KLHL14: variants seen among roughly 807,000 people sequenced by gnomAD.
KLHL14 encodes kelch-like protein 14.
In KLHL14, 22 loss-of-function variants were observed where a neutral mutation model predicts 64.3. That is an observed-to-expected ratio of 0.34 (90% CI 0.24 to 0.49). The LOEUF is 0.49. KLHL14 is among the 20% of genes least tolerant of loss of function. The probability of loss-of-function intolerance (pLI) is 0.99; values close to 1 mark genes in which losing one functional copy is unlikely to be tolerated. For synonymous variants in KLHL14, 322 were observed against 333.4 expected (o/e 0.97, Z 0.37); for missense variants, 661 against 789.0 (o/e 0.84, Z 1.94).
intron 2 of KLHL14, among the ~76,000 whole-genome samples, chr18:32,748,669 T>C (rs1287155072): frequency 1.2e-3 from 139 of 117,980 alleles, no homozygotes; most frequent in Middle Eastern, 4.3e-3. Flanking sequence ...TTTTTTTTTT[T>C]AGTAGAGACA....
chr18:32,772,284 C>T, intron 1 of KLHL14: 2 of 379,660 alleles, frequency 5.3e-6, no homozygotes, highest in Non-Finnish European at 5.4e-6. Context: ...CCATCCCGTT[C>T]CAGGTGGACC....
intron 3 of KLHL14, among the ~76,000 whole-genome samples, chr18:32,707,305 A>G (rs1455865187): frequency 6.6e-6 from 1 of 152,228 alleles, no homozygotes; most frequent in Non-Finnish European, 1.5e-5. Context: ...AGCTGTATCC[A>G]TGGTGAAACC....
intron 3 of KLHL14, among the ~76,000 whole-genome samples, chr18:32,711,952 C>T: frequency 6.6e-6 from 1 of 152,206 alleles, no homozygotes; most frequent in East Asian, 1.9e-4. Flanking sequence ...ATTTTACATT[C>T]ATGTTATTGT....
At chr18:32,676,954 A>T (rs60929261) in intron 8 of KLHL14, among the ~76,000 whole-genome samples, 1,620 of 152,266 alleles carry the variant, frequency 0.011, 41 homozygotes, top group African/African-American at 0.037. Flanking sequence ...ACAGGAGAGA[A>T]GGGAGACCTA....
chr18:32,753,003 A>G (rs1191764815), intron 2 of KLHL14, among the ~76,000 whole-genome samples: 3 of 136,434 alleles, frequency 2.2e-5, no homozygotes, highest in South Asian at 2.5e-4. Flanking sequence ...GTGTCTTTTA[A>G]GCTTTCTCAG....
intron 2 of KLHL14, among the ~76,000 whole-genome samples, chr18:32,751,093 C>G (rs1212657226): frequency 1.3e-5 from 2 of 152,058 alleles, no homozygotes; most frequent in Non-Finnish European, 2.9e-5. Flanking sequence ...CTGCTCAGAT[C>G]GTGGGGAGGA....
At chr18:32,729,959 A>G (rs898314368) in intron 3 of KLHL14, among the ~76,000 whole-genome samples, 1 of 152,248 alleles carries the variant, frequency 6.6e-6, no homozygotes, top group Non-Finnish European at 1.5e-5. Context: ...AAAAAGGAAG[A>G]GAGAATATGG....
intron 4 of KLHL14, among the ~76,000 whole-genome samples, chr18:32,690,161 C>T (rs1298396901): frequency 1.3e-5 from 2 of 152,076 alleles, no homozygotes; most frequent in African/African-American, 2.4e-5. Context: ...AGAAGCTAAG[C>T]TCAGTAAAAC....
rs369241553 is a variant in KLHL14, at chr18:32,680,210, A to G, written c.1547T>C (p.Met516Thr). The G allele has an allele frequency of 1.9e-5, 31 of 1,613,722 alleles. No homozygotes were observed. Among genetic ancestry groups the G allele is most frequent in the African/African-American group, 2.7e-5 (2 of 74,910 alleles). Residue 516 changes from methionine to threonine, a missense_variant, in exon 7 of 9, where the codon ATG becomes ACG. This residue lies in a region of KLHL14 where 330 missense variants were observed against 450.0 expected (regional missense o/e 0.73). Coordinates refer to ENST00000359358, the MANE Select transcript of KLHL14 (RefSeq NM_020805.3). This position sits in a 1 kb window ranked among gnomAD's most constrained non-coding sequence, Gnocchi z 4.8. The stretch of plus-strand genomic sequence containing the variant: ...TCCAATTGCATACAAGCGATCATTC[A>G]TTACAGCCAAAGTGTGAATTGCACG... ...TKRAIHTLAV[M>T]NDRLYAIGGN...
At chr18:32,757,260 C>A (rs959530241) in intron 2 of KLHL14, among the ~76,000 whole-genome samples, 3 of 152,226 alleles carry the variant, frequency 2.0e-5, no homozygotes, top group African/African-American at 4.8e-5. Context: ...AAAGTAATTT[C>A]TCTTCAAGAG....
At chr18:32,764,535 T>C (rs1159533600) in intron 2 of KLHL14, among the ~76,000 whole-genome samples, 2 of 152,110 alleles carry the variant, frequency 1.3e-5, no homozygotes, top group African/African-American at 4.8e-5. Flanking sequence ...AGTACATGGG[T>C]TGGCAAACCG....
At chr18:32,731,282 G>A (rs12968928) in intron 3 of KLHL14, among the ~76,000 whole-genome samples, 36,455 of 151,966 alleles carry the variant, frequency 0.24, 4,538 homozygotes, top group Middle Eastern at 0.32. Flanking sequence ...GGGGATATGT[G>A]TACATAATAA....
intron 3 of KLHL14, among the ~76,000 whole-genome samples, chr18:32,698,111 G>A (rs1243142660): frequency 6.6e-6 from 1 of 152,078 alleles, no homozygotes; most frequent in Non-Finnish European, 1.5e-5. Flanking sequence ...TAATTTCTTT[G>A]ACTTCTGATT....
chr18:32,728,081 G>A lies in KLHL14; in HGVS notation c.1069+13847C>T, dbSNP rs142959577. 5.3e-3 allele frequency among the ~76,000 whole-genome samples: 809 copies of A among 152,256 alleles called. 6 individuals carry two copies. Among genetic ancestry groups the A allele is most frequent in the African/African-American group, 0.018 (765 of 41,546 alleles). ...TCTTCAATCTTCAATTAATAACAAA[G>A]AGGATGGTAGAAGGTTCAACAAATA... On this transcript the variant is annotated intron_variant, in intron 3 of 8. Coordinates refer to ENST00000359358, the MANE Select transcript of KLHL14 (RefSeq NM_020805.3).
In KLHL14 at chr18:32,672,909, G is replaced by A. The variant is rs986254934; in HGVS notation, c.*1748C>T. ...AAGTCTAAGGAAAGCAAAGGTTCTT[G>A]TACAAATTGTGACTTTTGGAAGAAA... On this transcript the variant is annotated 3_prime_UTR_variant, in exon 9 of 9. Transcript: ENST00000359358. 1.3e-5 allele frequency: 2 copies of A among 152,554 alleles called. No homozygotes were observed. Among genetic ancestry groups the A allele is most frequent in the African/African-American group, 4.8e-5 (2 of 41,424 alleles). The allele number at this position is 152,554 out of a possible 1,614,324, so 9.5% of individuals were successfully genotyped here.
chr18:32,768,531 T>A (rs750739073), intron 2 of KLHL14, among the ~76,000 whole-genome samples: 1 of 152,130 alleles, frequency 6.6e-6, no homozygotes, highest in Admixed American at 6.5e-5. Flanking sequence ...TGTACTTTGC[T>A]ACACTTTGTA....
intron 3 of KLHL14, among the ~76,000 whole-genome samples, chr18:32,730,083 T>C (rs997134695): frequency 1.6e-4 from 24 of 152,230 alleles, no homozygotes; most frequent in Admixed American, 4.6e-4. Flanking sequence ...GAACAAAAGG[T>C]ATTTACTATA....
At chr18:32,687,057 G>T in intron 5 of KLHL14, 98 bp downstream of exon 5, 2 of 963,452 alleles carry the variant, frequency 2.1e-6, no homozygotes, top group South Asian at 1.4e-5. Flanking sequence ...GTCTTTCATT[G>T]ACTCTATTTA....
chr18:32,768,927 G>C (rs146633200), intron 2 of KLHL14, among the ~76,000 whole-genome samples: 1 of 152,272 alleles, frequency 6.6e-6, no homozygotes, highest in East Asian at 1.9e-4. Context: ...ACTCTTCTCA[G>C]AAATGGGAGT....
Sources: gnomAD v4.1 joint callset for allele counts (sites outside exome capture counted in the v4.1 genomes callset) on GRCh38, gnomAD v4.1.1 for gene constraint, gnomAD v4.1.1 regional missense constraint, Gnocchi (gnomAD v3.1) non-coding constraint, MANE v1.5 for transcripts, NCBI Gene and HGNC (gene_info 2026-07-23, HGNC 2026-07-21) for gene names.